The following GMFB variants were observed in gnomAD, a reference collection of about 807,000 sequenced individuals.
The protein encoded by GMFB is glia maturation factor beta.
A neutral mutation model predicts 25.6 loss-of-function variants in GMFB; 13 were observed. The observed-to-expected ratio is 0.51, with a 90% CI of 0.33 to 0.81. The LOEUF is 0.81. GMFB is among the 30% of genes least tolerant of loss of function. The pLI is 0.02. For synonymous variants in GMFB, 57 were observed against 56.9 expected (o/e 1.00, Z 0.00); for missense variants, 146 against 175.4 (o/e 0.83, Z 0.95).
intron 1 of GMFB, among the ~76,000 whole-genome samples, chr14:54,486,667 A>G (rs2031786690): frequency 6.6e-6 from 1 of 152,224 alleles, no homozygotes; most frequent in Admixed American, 6.5e-5. Context: ...CCTATGAGAG[A>G]AACACTGTTA....
chr14:54,488,899 C>A, intron 1 of GMFB, 26 bp downstream of exon 1: 3 of 1,551,276 alleles, frequency 1.9e-6, no homozygotes, highest in African/African-American at 1.4e-5. Context: ...AGCCCTCCGG[C>A]CCCCGCCCTC....
rs2140029417 is a variant in GMFB, at chr14:54,476,190, T to G, written c.*1898A>C. On this transcript the variant is annotated 3_prime_UTR_variant, in exon 7 of 7. Transcript: ENST00000358056. ...TTAAAGACAGTAGCGGAACTAAGAG[T>G]GCTAACGTATGGCAGGTCAATATTA... 1 of 145,788 alleles carries G rather than the reference T, an allele frequency of 6.9e-6. No homozygotes were observed. Among genetic ancestry groups the G allele is most frequent in the African/African-American group, 2.6e-5 (1 of 38,030 alleles). 9.0% of individuals were successfully genotyped at this position (145,788 alleles called of 1,614,324 possible).
At chr14:54,481,955 C>T (rs2031716190) in intron 3 of GMFB, among the ~76,000 whole-genome samples, 198 bp downstream of exon 3, 1 of 152,122 alleles carries the variant, frequency 6.6e-6, no homozygotes, top group African/African-American at 2.4e-5. Flanking sequence ...TTACACTGGA[C>T]TTCACTAATG....
chr14:54,483,697 T>C lies in GMFB; in HGVS notation c.74A>G (p.Lys25Arg). ...TATAATAGCAGCGTTGTTCGTTTCT[T>C]TGCGAAAACGAAACTTTCTCAGCTT... ...VEKLRKFRFR[K>R]ETNNAAIIMK... is the part of the protein sequence containing the mutation. The change falls in exon 2 of 7, where the codon AAA becomes AGA. Residue 25 changes from lysine to arginine, a missense_variant. By Grantham distance (26) the Lys-to-Arg change is conservative. Transcript: ENST00000358056. 5.6e-6 allele frequency: 9 copies of C among 1,600,360 alleles called. No homozygotes were observed. Among genetic ancestry groups the C allele is most frequent in the Non-Finnish European group, 6.9e-6 (8 of 1,167,676 alleles).
intron 6 of GMFB, chr14:54,479,541 G>A (rs1477566418): frequency 2.5e-6 from 1 of 402,162 alleles, no homozygotes; most frequent in Admixed American, 4.2e-5. Context: ...AGTTACAGTG[G>A]CTTTCTAACA....
At chr14:54,480,087 T>C in intron 5 of GMFB, 1 of 405,074 alleles carries the variant, frequency 2.5e-6, no homozygotes, top group Non-Finnish European at 4.4e-6. Context: ...AAATAAAGAT[T>C]CTAGACATTT....
intron 1 of GMFB, among the ~76,000 whole-genome samples, chr14:54,487,347 C>G (rs1001752639): frequency 1.3e-5 from 2 of 151,588 alleles, no homozygotes; most frequent in Non-Finnish European, 2.9e-5. Context: ...CTGGCTAACA[C>G]GGTGAAACCC....
At chr14:54,481,319 A>C in intron 4 of GMFB, 90 bp downstream of exon 4, 1 of 850,408 alleles carries the variant, frequency 1.2e-6, no homozygotes, top group Non-Finnish European at 2.0e-6. Flanking sequence ...ATGACACAGA[A>C]GGATACTTTT....
chr14:54,480,848 T>A, intron 5 of GMFB, 26 bp downstream of exon 5: 1 of 1,149,418 alleles, frequency 8.7e-7, no homozygotes, highest in Non-Finnish European at 1.3e-6. Context: ...AAGCCAAATA[T>A]GTGTTATTTA....
chr14:54,475,058 A>T lies in GMFB; in HGVS notation c.*3030T>A, dbSNP rs1255266650. 1 of 152,618 alleles carries T rather than the reference A, an allele frequency of 6.6e-6. No homozygotes were observed. The highest frequency in any genetic ancestry group is 1.5e-5 in the Non-Finnish European group (1 of 68,000). The allele number at this position is 152,618 out of a possible 1,614,324, so 9.5% of individuals were successfully genotyped here. A position where few individuals can be genotyped will look rare whatever the true frequency, so the allele number is the denominator to read the frequency against. ...TTGAACAAATAGGGAAAGCAACCAT[A>T]GTAAGAATACTTGAATTGATAGAAT... On this transcript the variant is annotated 3_prime_UTR_variant, in exon 7 of 7. Coordinates refer to ENST00000358056, the MANE Select transcript of GMFB (RefSeq NM_004124.3).
chr14:54,487,519 A>C (rs184059242), intron 1 of GMFB, among the ~76,000 whole-genome samples: 1 of 151,760 alleles, frequency 6.6e-6, no homozygotes, highest in African/African-American at 2.4e-5. Flanking sequence ...AACCAACGCG[A>C]CAGAGCGAGA....
At chr14:54,478,200 CAA>C in intron 6 of GMFB, 41 bp from the exon 7 acceptor site, 2 of 683,956 alleles carry the variant, frequency 2.9e-6, no homozygotes, top group African/African-American at 1.9e-5. Context: ...TTTGACACTC[CAA>C]AAAAAAAGTC....
chr14:54,478,189 C>A (rs1435444199), intron 6 of GMFB, 30 bp from the exon 7 acceptor site: 2 of 788,610 alleles, frequency 2.5e-6, no homozygotes, highest in South Asian at 2.4e-5. Flanking sequence ...TTGGGTCATA[C>A]TTTGACACTC....
In GMFB at chr14:54,488,948, G is replaced by T. The variant is rs893245197; in HGVS notation, c.-21C>A. ...ACCATTTTCCTTCCGGCCGTCAGCG[G>T]CCTGTCGCCTACACTCGGGCGCCTT... is the stretch of plus-strand genomic sequence containing the variant. On this transcript the variant is annotated 5_prime_UTR_variant, in exon 1 of 7. Coordinates refer to ENST00000358056, the MANE Select transcript of GMFB (RefSeq NM_004124.3). 6.4e-7 allele frequency: 1 copy of T among 1,558,756 alleles called. No homozygotes were observed. The highest frequency in any genetic ancestry group is 1.9e-5 in the Admixed American group (1 of 52,554).
chr14:54,484,309 T>C (rs970418068), intron 1 of GMFB, among the ~76,000 whole-genome samples: 1 of 151,720 alleles, frequency 6.6e-6, no homozygotes, highest in African/African-American at 2.4e-5. Context: ...ATTATAGAGA[T>C]ATAAAAAGGA....
chr14:54,484,468 A>G (rs1452317558), intron 1 of GMFB, among the ~76,000 whole-genome samples: 1 of 152,120 alleles, frequency 6.6e-6, no homozygotes, highest in Non-Finnish European at 1.5e-5. Flanking sequence ...TCTTGGACAC[A>G]CACAATCTAC....
chr14:54,486,884 T>G (rs1395927160), intron 1 of GMFB, among the ~76,000 whole-genome samples: 1 of 93,592 alleles, frequency 1.1e-5, no homozygotes, highest in Admixed American at 1.7e-4. Context: ...AGATTGGATA[T>G]TGGGGGTGGG....
chr14:54,475,773 C>T lies in GMFB; in HGVS notation c.*2315G>A, dbSNP rs2031630607. ...CAAAACTAACACTGACTTAGAAGACCACGAAGGAGGATCCCAGGAAAAAAG... is the reference window on the plus strand; with the variant it reads ...CAAAACTAACACTGACTTAGAAGACTACGAAGGAGGATCCCAGGAAAAAAG... On this transcript the variant is annotated 3_prime_UTR_variant, in exon 7 of 7. Coordinates refer to ENST00000358056, the MANE Select transcript of GMFB (RefSeq NM_004124.3). The T allele has an allele frequency of 6.6e-6, 1 of 152,326 alleles. No individual in the cohort carries two copies. The highest frequency in any genetic ancestry group is 1.5e-5 in the Non-Finnish European group (1 of 67,912). 9.4% of individuals were successfully genotyped at this position (152,326 alleles called of 1,614,324 possible).
chr14:54,488,716 G>C, intron 1 of GMFB: 1 of 498,100 alleles, frequency 2.0e-6, no homozygotes, highest in Non-Finnish European at 3.5e-6. Flanking sequence ...GGTCCACCCC[G>C]GGCCCAGCTG....
Sources: gnomAD v4.1 joint callset for allele counts (sites outside exome capture counted in the v4.1 genomes callset) on GRCh38, gnomAD v4.1.1 for gene constraint, MANE v1.5 for transcripts, NCBI Gene and HGNC (gene_info 2026-07-23, HGNC 2026-07-21) for gene names.